The following PLCB4 variants were observed in gnomAD, a reference collection of about 807,000 sequenced individuals.
The protein encoded by PLCB4 is 1-phosphatidylinositol 4,5-bisphosphate phosphodiesterase beta-4.
PLCB4 carries 77 observed loss-of-function variants against 178.8 expected under a neutral mutation model. The observed-to-expected ratio is 0.43, with a 90% CI of 0.36 to 0.52. PLCB4 has a LOEUF of 0.52. PLCB4 is among the 20% of genes least tolerant of loss of function. PLCB4 has a pLI of 0.00. For missense variants in PLCB4, 1,024 were observed against 1,453.4 expected (o/e 0.70, Z 4.80); for synonymous variants, 496 against 490.8 (o/e 1.01, Z -0.14).
At chr20:9,296,705 G>T (rs1236827107) in intron 3 of PLCB4, among the ~76,000 whole-genome samples, 1 of 152,164 alleles carries the variant, frequency 6.6e-6, no homozygotes, top group East Asian at 1.9e-4. Context: ...CATGTCCTTT[G>T]TAGGGACATG....
chr20:9,247,325 C>T lies in PLCB4; in HGVS notation c.-16+29873C>T, dbSNP rs535754727. Among the ~76,000 whole-genome samples the T allele has an allele frequency of 1.1e-4, 17 of 152,304 alleles. No homozygotes were observed. In the South Asian group the frequency reaches 3.3e-3, roughly 30 times the overall value. On this transcript the variant is annotated intron_variant, in intron 3 of 39. Coordinates refer to ENST00000378473, the MANE Select transcript of PLCB4 (RefSeq NM_001377142.1). ...TAGAAATAGCTCTAGCCTCTGTTTT[C>T]CCCAGTTGTCATCACATAAGTTTGA...
At chr20:9,166,932 C>A (rs2092982916) in intron 2 of PLCB4, among the ~76,000 whole-genome samples, 1 of 152,030 alleles carries the variant, frequency 6.6e-6, no homozygotes, top group Admixed American at 6.6e-5. Flanking sequence ...TTTCTTTAGA[C>A]TTTCTTATAA....
At chr20:9,171,659 A>G (rs918873993) in intron 2 of PLCB4, among the ~76,000 whole-genome samples, 1 of 152,248 alleles carries the variant, frequency 6.6e-6, no homozygotes. Context: ...TAAGAAAAAT[A>G]AATTCAGGTT....
At chr20:9,285,109 G>T (rs926244485) in intron 3 of PLCB4, among the ~76,000 whole-genome samples, 1 of 147,158 alleles carries the variant, frequency 6.8e-6, no homozygotes, top group Non-Finnish European at 1.5e-5. Flanking sequence ...AACTTTCTGT[G>T]TAAGTGTGCT....
intron 3 of PLCB4, among the ~76,000 whole-genome samples, chr20:9,277,830 A>G (rs2094462927): frequency 6.6e-6 from 1 of 151,974 alleles, no homozygotes; most frequent in African/African-American, 2.4e-5. Flanking sequence ...CACACAGACC[A>G]GGCACTCCTG....
intron 30 of PLCB4, among the ~76,000 whole-genome samples, chr20:9,443,104 TAGC>T (rs1205618124): frequency 6.6e-6 from 1 of 152,164 alleles, no homozygotes; most frequent in Non-Finnish European, 1.5e-5. Flanking sequence ...ATCACTCAGA[TAGC>T]AGGATGACTT....
chr20:9,385,921 T>G (rs1254721380), intron 14 of PLCB4, among the ~76,000 whole-genome samples: 1 of 152,160 alleles, frequency 6.6e-6, no homozygotes, highest in Admixed American at 6.5e-5. Flanking sequence ...AGGTGGAGGT[T>G]GTGGCGAGCC....
intron 3 of PLCB4, among the ~76,000 whole-genome samples, chr20:9,263,861 A>G (rs1267008432): frequency 6.6e-6 from 1 of 152,202 alleles, no homozygotes; most frequent in Non-Finnish European, 1.5e-5. Flanking sequence ...AAAAAAGGAA[A>G]GAGAAAAGCA....
At chr20:9,196,711 G>T (rs2093476595) in intron 2 of PLCB4, among the ~76,000 whole-genome samples, 1 of 152,184 alleles carries the variant, frequency 6.6e-6, no homozygotes, top group African/African-American at 2.4e-5. Context: ...CTAGCATCAG[G>T]TTAGTCTGCT....
chr20:9,162,430 C>T (rs2092903798), intron 2 of PLCB4, among the ~76,000 whole-genome samples: 2 of 152,096 alleles, frequency 1.3e-5, no homozygotes, highest in South Asian at 2.1e-4. Flanking sequence ...TTAACTGTCA[C>T]GTCATGGTGA....
chr20:9,075,203 A>T (rs2089792095), intron 1 of PLCB4, among the ~76,000 whole-genome samples: 1 of 152,154 alleles, frequency 6.6e-6, no homozygotes, highest in Non-Finnish European at 1.5e-5. Context: ...GGCTGACATC[A>T]GAACTCCAAC....
chr20:9,418,364 A>G (rs925257605), intron 25 of PLCB4, among the ~76,000 whole-genome samples: 1 of 152,036 alleles, frequency 6.6e-6, no homozygotes, highest in African/African-American at 2.4e-5. Flanking sequence ...TTATTTATTT[A>G]TCTATTTATT....
chr20:9,346,476 G>T (rs1305704900), intron 7 of PLCB4, among the ~76,000 whole-genome samples: 1 of 152,186 alleles, frequency 6.6e-6, no homozygotes, highest in East Asian at 1.9e-4. Context: ...CCAAACCCCA[G>T]TATACTAATT....
chr20:9,367,594 G>A (rs2035890145), intron 9 of PLCB4, among the ~76,000 whole-genome samples: 1 of 152,204 alleles, frequency 6.6e-6, no homozygotes, highest in Admixed American at 6.5e-5. Flanking sequence ...GTGAAGAATA[G>A]AAATGTAGGT....
chr20:9,233,107 G>T (rs2093951625), intron 3 of PLCB4, among the ~76,000 whole-genome samples: 1 of 152,048 alleles, frequency 6.6e-6, no homozygotes, highest in African/African-American at 2.4e-5. Context: ...CCAAATCATA[G>T]TCTAGTTGAA....
chr20:9,267,553 T>C (rs1035339800), intron 3 of PLCB4, among the ~76,000 whole-genome samples: 2 of 152,010 alleles, frequency 1.3e-5, no homozygotes, highest in Admixed American at 1.3e-4. Context: ...TTGAGGTTAT[T>C]TTTCTCTCTA....
intron 20 of PLCB4, among the ~76,000 whole-genome samples, chr20:9,402,202 A>G (rs929309918): frequency 1.3e-5 from 2 of 152,258 alleles, no homozygotes; most frequent in South Asian, 2.1e-4. Context: ...AAATAACTAT[A>G]TAATTACAAC....
rs1302545423 is a variant in PLCB4 at position 9,219,464 on chromosome 20, G to A, written c.-16+2012G>A. On this transcript the variant is annotated intron_variant, in intron 3 of 39. Transcript: ENST00000378473. ...AGCCTGGGCAACAGAGGGAGACTCC[G>A]AAAAAAAAAACTTTTACAGAGGCTT... Among the ~76,000 whole-genome samples the A allele has an allele frequency of 2.0e-5, 3 of 148,676 alleles. No individual in the cohort carries two copies. In the South Asian group the frequency reaches 6.4e-4, roughly 32 times the overall value.
At chr20:9,181,204 C>A (rs1377178393) in intron 2 of PLCB4, among the ~76,000 whole-genome samples, 1 of 152,136 alleles carries the variant, frequency 6.6e-6, no homozygotes, top group Non-Finnish European at 1.5e-5. Flanking sequence ...TGATATTAGT[C>A]TTTTTGAGAC....
Sources: allele counts gnomAD v4.1 joint callset (sites outside exome capture counted in the v4.1 genomes callset), GRCh38; gene constraint gnomAD v4.1.1; transcripts MANE v1.5; gene names NCBI Gene and HGNC (gene_info 2026-07-23, HGNC 2026-07-21).